USP7: variants seen among roughly 807,000 people sequenced by gnomAD.
USP7 encodes the protein ubiquitin C-terminal hydrolase 7.
Under a neutral mutation model 162.9 loss-of-function variants are expected in USP7, and 9 were observed. That is an observed-to-expected ratio of 0.06 (90% CI 0.03 to 0.10). USP7 has a LOEUF of 0.10. Ranked by LOEUF, USP7 falls within the 10% of genes least tolerant of loss-of-function variation. The pLI is 1.00. For missense variants in USP7, 715 were observed against 1,373.7 expected (o/e 0.52, Z 7.58); for synonymous variants, 562 against 475.9 (o/e 1.18, Z -2.35).
intron 4 of USP7, 111 bp downstream of exon 4, chr16:8,921,046 G>C: frequency 1.6e-6 from 2 of 1,235,986 alleles, no homozygotes; most frequent in South Asian, 3.4e-5. Flanking sequence ...GTCCAATTTA[G>C]AAAGTAAAAA....
At chr16:8,915,561 T>C (rs1458450593) in intron 8 of USP7, 36 bp from the exon 9 acceptor site, 13 of 1,570,606 alleles carry the variant, frequency 8.3e-6, no homozygotes, top group Non-Finnish European at 1.1e-5. Flanking sequence ...AAAAACTTTT[T>C]TGTACTTAGT....
intron 10 of USP7, among the ~76,000 whole-genome samples, chr16:8,912,392 G>C (rs113966488): frequency 1.4e-3 from 214 of 151,648 alleles, no homozygotes; most frequent in African/African-American, 4.8e-3. Context: ...AAAGGTTGTA[G>C]TGAGCTGAGA....
At chr16:8,910,866 T>A in intron 10 of USP7, 39 bp from the exon 11 acceptor site, 1 of 1,518,214 alleles carries the variant, frequency 6.6e-7, no homozygotes, top group Non-Finnish European at 9.1e-7. Context: ...TGCTAAAGCT[T>A]CATTTATAAT....
chr16:8,896,933 T>C, intron 26 of USP7, 66 bp downstream of exon 26: 1 of 1,237,506 alleles, frequency 8.1e-7, no homozygotes. Context: ...CCAACGCAAC[T>C]GCAGAGGTCA....
chr16:8,930,248 G>T, intron 2 of USP7, 45 bp downstream of exon 2: 2 of 1,486,306 alleles, frequency 1.3e-6, no homozygotes, highest in Non-Finnish European at 1.9e-6. Flanking sequence ...CCTGTTTTCT[G>T]ACAAGTTTCC....
intron 14 of USP7, 33 bp downstream of exon 14, chr16:8,905,152 CAG>C (rs762918678): frequency 6.2e-7 from 1 of 1,600,718 alleles, no homozygotes; most frequent in South Asian, 1.1e-5. Flanking sequence ...AAGTCCACCA[CAG>C]TAAAGAACAG....
chr16:8,936,529 G>T, intron 1 of USP7: 2 of 1,479,584 alleles, frequency 1.4e-6, no homozygotes, highest in South Asian at 1.3e-5. Context: ...TGTCAGTATT[G>T]GTTATCTCCA....
At chr16:8,938,332 A>C (rs1427553588) in intron 1 of USP7, among the ~76,000 whole-genome samples, 1 of 125,724 alleles carries the variant, frequency 8.0e-6, no homozygotes, top group Non-Finnish European at 1.7e-5. Flanking sequence ...TTAAGAAATA[A>C]CACAGTCAAA....
chr16:8,960,560 G>A (rs1290295419), intron 1 of USP7, among the ~76,000 whole-genome samples: 1 of 152,172 alleles, frequency 6.6e-6, no homozygotes, highest in African/African-American at 2.4e-5. Flanking sequence ...GGATGCTCCA[G>A]GTTTACAAAG....
At chr16:8,962,610 T>A in intron 1 of USP7, 1 of 303,660 alleles carries the variant, frequency 3.3e-6, no homozygotes, top group Non-Finnish European at 7.0e-6. Context: ...AACAGGTGGA[T>A]TCGGAAACCA....
At chr16:8,898,295 G>A (rs932900607) in intron 25 of USP7, 65 bp downstream of exon 25, 3 of 1,298,048 alleles carry the variant, frequency 2.3e-6, no homozygotes, top group African/African-American at 1.5e-5. Flanking sequence ...CAATGTCTGG[G>A]GACAGGTAGA....
chr16:8,957,651 G>C (rs1899860587), intron 1 of USP7, among the ~76,000 whole-genome samples: 1 of 151,788 alleles, frequency 6.6e-6, no homozygotes, highest in Non-Finnish European at 1.5e-5. Flanking sequence ...CCAGCTACTT[G>C]GAAGGCTGAG....
intron 4 of USP7, 96 bp from the exon 5 acceptor site, chr16:8,920,543 G>A: frequency 4.0e-6 from 4 of 1,001,074 alleles, no homozygotes; most frequent in Non-Finnish European, 5.7e-6. Flanking sequence ...TAATAGAGAT[G>A]AAAATACTTT....
chr16:8,919,037 T>C lies in USP7; in HGVS notation c.714A>G (p.Leu238=), dbSNP rs1207883106. 1 of 1,613,546 alleles carries C rather than the reference T, an allele frequency of 6.2e-7. No individual in the cohort carries two copies. The highest frequency in any genetic ancestry group is 1.1e-5 in the South Asian group (1 of 91,054). ...AGGAACACTATCCATTTACCTTTCG[T>C]AGCTGATTCGTGAAAAATAACGTCT... The part of the protein sequence containing the change: ...LLQTLFFTNQ[L]RKAVYMMPTE... Residue 238 remains leucine, a synonymous_variant, in exon 6 of 31, where the codon CTA becomes CTG. Coordinates refer to ENST00000344836, the MANE Select transcript of USP7 (RefSeq NM_003470.3).
intron 8 of USP7, 98 bp downstream of exon 8, chr16:8,916,404 T>C (rs1174185456): frequency 9.9e-6 from 6 of 607,162 alleles, no homozygotes; most frequent in African/African-American, 2.7e-5. Flanking sequence ...AAGATGGGCA[T>C]TTTCTGAATT....
intron 1 of USP7, among the ~76,000 whole-genome samples, chr16:8,948,868 G>C (rs963255169): frequency 6.6e-6 from 1 of 152,188 alleles, no homozygotes; most frequent in Non-Finnish European, 1.5e-5. Flanking sequence ...GGAGGCTGAT[G>C]GGAGAGGATG....
intron 19 of USP7, 28 bp downstream of exon 19, chr16:8,901,114 T>C (rs776725416): frequency 1.6e-5 from 25 of 1,612,856 alleles, no homozygotes; most frequent in Non-Finnish European, 2.1e-5. Context: ...CAAAATCTAC[T>C]CAGAAGGTAA....
At chr16:8,927,918 A>T (rs1011930402) in intron 2 of USP7, among the ~76,000 whole-genome samples, 3 of 152,148 alleles carry the variant, frequency 2.0e-5, no homozygotes, top group Non-Finnish European at 4.4e-5. Context: ...GCCAAGGCAG[A>T]AGAACTGCTT....
At position 8,901,087 on chromosome 16, in the gene USP7, A is replaced by G. The variant is rs371640483; in HGVS notation, c.2141-30T>C. The G allele has an allele frequency of 3.9e-5, 63 of 1,613,868 alleles. No individual in the cohort carries two copies. The African/African-American group carries it at 7.1e-4, about 18-fold the overall frequency. ...GAGAAAGAAGATATTTTAAATGTGT[A>G]GCTGTAATGTACTGAGCAAAATCTA... is the stretch of plus-strand genomic sequence containing the variant. On this transcript the variant is annotated intron_variant, in intron 19 of 30. Coordinates refer to ENST00000344836, the MANE Select transcript of USP7 (RefSeq NM_003470.3).
Sources: allele counts gnomAD v4.1 joint callset (sites outside exome capture counted in the v4.1 genomes callset), GRCh38; gene constraint gnomAD v4.1.1; transcripts MANE v1.5; gene names NCBI Gene and HGNC (gene_info 2026-07-23, HGNC 2026-07-21).